The following WDPCP variants were observed in gnomAD, a reference collection of about 807,000 sequenced individuals.
WDPCP encodes the protein WD repeat-containing and planar cell polarity effector protein fritz homolog.
WDPCP carries 71 observed loss-of-function variants against 93.1 expected under a neutral mutation model. The ratio of observed to expected loss-of-function variants is 0.76; its 90% CI spans 0.63 to 0.93. The LOEUF is 0.93. WDPCP is among the 40% of genes least tolerant of loss of function. The pLI, the probability that WDPCP is intolerant of heterozygous loss-of-function variation, is 0.00. For synonymous variants in WDPCP, 315 were observed against 315.0 expected (o/e 1.00, Z 0.00); for missense variants, 844 against 887.4 (o/e 0.95, Z 0.62).
chr2:63,796,513 G>A (rs1670619482), intron 2 of WDPCP, among the ~76,000 whole-genome samples: 1 of 152,200 alleles, frequency 6.6e-6, no homozygotes. Flanking sequence ...CCCATCCCCT[G>A]GCAGTGGCTG....
chr2:63,177,976 T>C (rs1012971470), intron 14 of WDPCP, among the ~76,000 whole-genome samples: 4 of 152,180 alleles, frequency 2.6e-5, no homozygotes, highest in African/African-American at 9.6e-5. Flanking sequence ...TGTGTATCAA[T>C]TGAGATGATT....
chr2:63,679,925 G>T (rs1381872948), intron 2 of WDPCP, among the ~76,000 whole-genome samples: 2 of 152,164 alleles, frequency 1.3e-5, no homozygotes, highest in Non-Finnish European at 2.9e-5. Flanking sequence ...AAGGCCTAAA[G>T]CCCCCACTAC....
chr2:63,776,727 T>C lies in WDPCP; in HGVS notation n.308+36895A>G, dbSNP rs146127475. On this transcript the variant is annotated intron_variant and non_coding_transcript_variant, in intron 2 of 4. Transcript: ENST00000467687. The stretch of plus-strand genomic sequence containing the variant: ...CATGAAAGATGTTCAACATCATTAG[T>C]TGTTAGGGAATACAAATTAAAACCA... Among the ~76,000 whole-genome samples, 54 of 150,672 alleles carry C rather than the reference T, an allele frequency of 3.6e-4. No homozygotes were observed. In the East Asian group the frequency reaches 9.7e-3, roughly 27 times the overall value.
chr2:63,463,133 A>G (rs935687829), intron 6 of WDPCP, among the ~76,000 whole-genome samples: 1 of 151,712 alleles, frequency 6.6e-6, no homozygotes, highest in African/African-American at 2.4e-5. Context: ...AGAAATAGAG[A>G]GAACACTGAA....
Position 63,120,159 on chromosome 2 carries a change from A to C in WDPCP, c.*1847T>G, listed in dbSNP as rs1669473646. On this transcript the variant is annotated 3_prime_UTR_variant, in exon 18 of 18. Coordinates refer to ENST00000272321, the MANE Select transcript of WDPCP (RefSeq NM_015910.7). ...CCGGAAAATCTGGAGAAAATTCTGCAATCTTGACAAAACCCTATTTTTTTA... is the reference window on the plus strand; with the variant it reads ...CCGGAAAATCTGGAGAAAATTCTGCCATCTTGACAAAACCCTATTTTTTTA... Among the ~76,000 whole-genome samples, 2 of 152,204 alleles carry C rather than the reference A, an allele frequency of 1.3e-5. No individual in the cohort carries two copies. Among genetic ancestry groups the C allele is most frequent in the African/African-American group, 4.8e-5 (2 of 41,448 alleles).
intron 13 of WDPCP, among the ~76,000 whole-genome samples, chr2:63,310,671 C>T (rs1489633819): frequency 7.3e-6 from 1 of 136,546 alleles, no homozygotes; most frequent in Non-Finnish European, 1.6e-5. Context: ...TGCAACAGAG[C>T]CCGTATGGCT....
intron 1 of WDPCP, among the ~76,000 whole-genome samples, chr2:63,585,171 T>G (rs1366939173): frequency 6.6e-6 from 1 of 152,204 alleles, no homozygotes; most frequent in Non-Finnish European, 1.5e-5. Context: ...GAGACTACAG[T>G]TTTAAATTAA....
chr2:63,745,834 A>G (rs1669787669), intron 2 of WDPCP, among the ~76,000 whole-genome samples: 1 of 152,172 alleles, frequency 6.6e-6, no homozygotes, highest in African/African-American at 2.4e-5. Flanking sequence ...TTTATGAAGT[A>G]CTGCCAAACT....
At chr2:63,325,322 C>G (rs539838547) in intron 12 of WDPCP, among the ~76,000 whole-genome samples, 1 of 152,172 alleles carries the variant, frequency 6.6e-6, no homozygotes, top group Non-Finnish European at 1.5e-5. Flanking sequence ...CGTCCATGTC[C>G]GCTATGCTGA....
chr2:63,563,386 C>G (rs115865255), intron 1 of WDPCP, among the ~76,000 whole-genome samples: 1 of 151,612 alleles, frequency 6.6e-6, no homozygotes, highest in Non-Finnish European at 1.5e-5. Context: ...TGAAAAAATA[C>G]GGAAGCACTG....
chr2:63,295,527 AG>A (rs1684776155), intron 13 of WDPCP, among the ~76,000 whole-genome samples: 1 of 114,034 alleles, frequency 8.8e-6, no homozygotes, highest in Non-Finnish European at 1.7e-5. Flanking sequence ...AAATTTAAAA[AG>A]GTTACAAGAG....
At chr2:63,602,934 C>CTTTTTTTTTTTTTTTTTTTTTTT (rs370479356) in intron 3 of WDPCP, among the ~76,000 whole-genome samples, 5 of 131,532 alleles carry the variant, frequency 3.8e-5, no homozygotes, top group Admixed American at 7.7e-5. Flanking sequence ...TTTAACCGTT[C>CTTTTTTTTTTTTTTTTTTTTTTT]TTTTTTTTTT....
intron 6 of WDPCP, among the ~76,000 whole-genome samples, chr2:63,449,871 C>T (rs1164630242): frequency 1.3e-5 from 2 of 152,198 alleles, no homozygotes; most frequent in Admixed American, 6.5e-5. Context: ...CACATCCTAA[C>T]AGCTTCCACT....
intron 13 of WDPCP, among the ~76,000 whole-genome samples, chr2:63,294,867 T>A (rs1026963191): frequency 2.0e-5 from 3 of 152,222 alleles, no homozygotes; most frequent in Non-Finnish European, 4.4e-5. Flanking sequence ...ATTATGAGTC[T>A]AAAAGCTAGC....
chr2:63,656,615 T>C (rs1558876924), intron 2 of WDPCP, among the ~76,000 whole-genome samples: 1 of 152,178 alleles, frequency 6.6e-6, no homozygotes, highest in Non-Finnish European at 1.5e-5. Flanking sequence ...AAAGTCAAGA[T>C]TAAAAGCCGA....
chr2:63,208,548 G>A (rs188136589), intron 14 of WDPCP, among the ~76,000 whole-genome samples: 1 of 152,086 alleles, frequency 6.6e-6, no homozygotes, highest in Admixed American at 6.6e-5. Flanking sequence ...TGATTTGTTA[G>A]TCTTAAGCAT....
chr2:63,397,273 A>G (rs1693808042), intron 10 of WDPCP, among the ~76,000 whole-genome samples: 1 of 152,184 alleles, frequency 6.6e-6, no homozygotes, highest in Non-Finnish European at 1.5e-5. Context: ...AGGATTCTAG[A>G]ACGACTTTTG....
At chr2:63,759,896 T>G (rs942810931) in intron 2 of WDPCP, among the ~76,000 whole-genome samples, 2 of 152,198 alleles carry the variant, frequency 1.3e-5, no homozygotes, top group Non-Finnish European at 2.9e-5. Flanking sequence ...CAGTACAGGA[T>G]GAAGATGGCA....
chr2:63,467,892 C>T (rs1200068266), intron 6 of WDPCP, among the ~76,000 whole-genome samples: 1 of 151,744 alleles, frequency 6.6e-6, no homozygotes, highest in African/African-American at 2.4e-5. Context: ...TGTGTATACA[C>T]AAACATACAC....
Sources: allele counts gnomAD v4.1 joint callset (sites outside exome capture counted in the v4.1 genomes callset), GRCh38; gene constraint gnomAD v4.1.1; transcripts MANE v1.5; gene names NCBI Gene and HGNC (gene_info 2026-07-23, HGNC 2026-07-21).